EYS: variants seen among roughly 807,000 people sequenced by gnomAD.
EYS encodes the protein protein eyes shut homolog.
A neutral mutation model predicts 282.1 loss-of-function variants in EYS; 250 were observed. The ratio of observed to expected loss-of-function variants is 0.89; its 90% CI spans 0.80 to 0.98. The LOEUF is 0.98. Ranked by LOEUF, EYS falls within the 50% of genes least tolerant of loss-of-function variation. The probability of loss-of-function intolerance (pLI) is 0.00; values close to 1 mark genes in which losing one functional copy is unlikely to be tolerated. For missense variants in EYS, 4,016 were observed against 3,709.0 expected, an observed-to-expected ratio of 1.08 and a Z score of -2.15; for synonymous variants, 1,355 against 1,282.9, an observed-to-expected ratio of 1.06 and a Z score of -1.20.
At chr6:65,676,813 T>A (rs987544508) in intron 1 of EYS, among the ~76,000 whole-genome samples, 6 of 151,712 alleles carry the variant, frequency 4.0e-5, no homozygotes, top group Non-Finnish European at 7.4e-5. Context: ...TGAAATTTCC[T>A]AGCAAACCAA....
At chr6:64,492,305 T>C (rs1021656719) in intron 26 of EYS, among the ~76,000 whole-genome samples, 2 of 151,262 alleles carry the variant, frequency 1.3e-5, no homozygotes, top group African/African-American at 2.4e-5. Context: ...CTGAGTATTA[T>C]TCAATACTTA....
chr6:64,939,683 CACAT>C (rs991745069), intron 15 of EYS, among the ~76,000 whole-genome samples: 12 of 151,550 alleles, frequency 7.9e-5, no homozygotes, highest in African/African-American at 2.7e-4. Flanking sequence ...CACACACACA[CACAT>C]ACACACGTGT....
chr6:64,230,892 T>G, intron 30 of EYS, 68 bp from the exon 31 acceptor site: 1 of 957,606 alleles, frequency 1.0e-6, no homozygotes, highest in Non-Finnish European at 1.5e-6. Context: ...ATAGAAATAA[T>G]AGAAAATTTG....
At chr6:64,154,856 T>C (rs1562228357) in intron 31 of EYS, among the ~76,000 whole-genome samples, 1 of 152,176 alleles carries the variant, frequency 6.6e-6, no homozygotes, top group Non-Finnish European at 1.5e-5. Flanking sequence ...TCTATTAAAA[T>C]AATACTCTAC....
chr6:64,179,071 T>C (rs916005504), intron 31 of EYS, among the ~76,000 whole-genome samples: 3 of 152,076 alleles, frequency 2.0e-5, no homozygotes, highest in African/African-American at 7.2e-5. Flanking sequence ...ATTGATTCAT[T>C]TTAAAACCAA....
chr6:65,481,754 G>C (rs1178243084), intron 5 of EYS, among the ~76,000 whole-genome samples: 1 of 151,802 alleles, frequency 6.6e-6, no homozygotes, highest in Non-Finnish European at 1.5e-5. Context: ...ATTTTTTTAG[G>C]AGAGATGGGA....
intron 22 of EYS, among the ~76,000 whole-genome samples, chr6:64,800,771 G>GT (rs889051535): frequency 1.5e-4 from 23 of 151,870 alleles, no homozygotes; most frequent in African/African-American, 3.9e-4. Context: ...CATATTGATA[G>GT]TTTTTTTGTT....
At chr6:65,468,540 T>C (rs1765091508) in intron 5 of EYS, among the ~76,000 whole-genome samples, 1 of 152,120 alleles carries the variant, frequency 6.6e-6, no homozygotes, top group African/African-American at 2.4e-5. Context: ...TTTTGTTGCA[T>C]GGCCCTATTT....
At chr6:65,579,417 A>T (rs540220429) in intron 2 of EYS, among the ~76,000 whole-genome samples, 3 of 152,170 alleles carry the variant, frequency 2.0e-5, no homozygotes, top group African/African-American at 7.2e-5. Flanking sequence ...TATATATCAG[A>T]GACGGCAAAG....
intron 30 of EYS, among the ~76,000 whole-genome samples, chr6:64,250,393 T>C (rs1334071459): frequency 6.6e-6 from 1 of 152,150 alleles, no homozygotes; most frequent in Non-Finnish European, 1.5e-5. Flanking sequence ...CACGCAACCG[T>C]GGCCAGGGGA....
intron 22 of EYS, among the ~76,000 whole-genome samples, chr6:64,738,302 A>G (rs1054673086): frequency 6.6e-6 from 1 of 152,074 alleles, no homozygotes; most frequent in African/African-American, 2.4e-5. Context: ...CGTGTGTCTG[A>G]CTGTTTAAAA....
At chr6:64,108,079 G>A (rs562149001) in intron 31 of EYS, among the ~76,000 whole-genome samples, 21 of 152,110 alleles carry the variant, frequency 1.4e-4, no homozygotes, top group Non-Finnish European at 2.5e-4. Flanking sequence ...ATTTCAAAAT[G>A]ACTCTTTGCT....
intron 22 of EYS, chr6:64,728,757 T>TGAC (rs1473100798): frequency 1.4e-4 from 22 of 152,432 alleles, no homozygotes; most frequent in Admixed American, 1.2e-3. Flanking sequence ...AGAGTCAGTG[T>TGAC]GACAGTCTTC....
chr6:64,687,820 G>A (rs558866684), intron 22 of EYS, among the ~76,000 whole-genome samples: 1 of 152,252 alleles, frequency 6.6e-6, no homozygotes, highest in African/African-American at 2.4e-5. Flanking sequence ...TGTACCTCTG[G>A]TAGAATTCGG....
intron 11 of EYS, among the ~76,000 whole-genome samples, chr6:65,302,028 T>G (rs1249724064): frequency 6.6e-6 from 1 of 152,266 alleles, no homozygotes; most frequent in Non-Finnish European, 1.5e-5. Context: ...CAGATTATAT[T>G]GTTCAGCTAT....
intron 22 of EYS, among the ~76,000 whole-genome samples, chr6:64,675,096 T>G (rs1562126974): frequency 1.3e-5 from 2 of 152,298 alleles, no homozygotes; most frequent in East Asian, 3.9e-4. Flanking sequence ...AAGTTTTAAT[T>G]AATGGCTGTA....
intron 2 of EYS, among the ~76,000 whole-genome samples, chr6:65,598,376 ATAACTT>A (rs1242481180): frequency 2.6e-5 from 4 of 151,884 alleles, no homozygotes; most frequent in Non-Finnish European, 4.4e-5. Flanking sequence ...CACAGAGAGA[ATAACTT>A]TAGGCTACTT....
chr6:63,788,125 TCTG>T lies in EYS; in HGVS notation c.7700_7702del (p.Ala2567del), dbSNP rs371899196. 38 of 1,541,094 alleles carry T rather than the reference TCTG, an allele frequency of 2.5e-5. No individual in the cohort carries two copies. The highest frequency in any genetic ancestry group is 3.1e-5 in the Non-Finnish European group (35 of 1,144,358). ...CTTACCTTGAAAACCATTTTTAAAA[TCTG>T]CTCCATTTGGTAAGAGATCTGGAGT... On this transcript the variant is annotated inframe_deletion, in exon 39 of 43. Coordinates refer to ENST00000503581, the MANE Select transcript of EYS (RefSeq NM_001142800.2).
intron 5 of EYS, among the ~76,000 whole-genome samples, chr6:65,477,032 A>G (rs2127250616): frequency 6.6e-6 from 1 of 152,326 alleles, no homozygotes; most frequent in South Asian, 2.1e-4. Flanking sequence ...AAGGATGATG[A>G]CACTTTAATA....
Sources: allele counts gnomAD v4.1 joint callset (sites outside exome capture counted in the v4.1 genomes callset), GRCh38; gene constraint gnomAD v4.1.1; transcripts MANE v1.5; gene names NCBI Gene and HGNC (gene_info 2026-07-23, HGNC 2026-07-21).